XYLB: variants seen among roughly 807,000 people sequenced by gnomAD.
The protein encoded by XYLB is xylulokinase, also known as xylulose kinase.
In XYLB, 62 loss-of-function variants were observed where a neutral mutation model predicts 78.7. That is an observed-to-expected ratio of 0.79 (90% confidence interval 0.64 to 0.97). XYLB has a LOEUF of 0.97. Ranked by LOEUF, XYLB falls within the 50% of genes least tolerant of loss-of-function variation. The pLI, the probability that XYLB is intolerant of heterozygous loss-of-function variation, is 0.00. For synonymous variants in XYLB, 245 were observed against 247.4 expected, an observed-to-expected ratio of 0.99 and a Z score of 0.09; for missense variants, 687 against 676.8, an observed-to-expected ratio of 1.02 and a Z score of -0.17.
intron 15 of XYLB, among the ~76,000 whole-genome samples, chr3:38,392,539 C>T (rs1414658616): frequency 6.6e-6 from 1 of 152,188 alleles, no homozygotes; most frequent in Non-Finnish European, 1.5e-5. Context: ...TCAGGTGATA[C>T]ACCCGTCTCG....
intron 18 of XYLB, 136 bp downstream of exon 18, chr3:38,401,121 C>A (rs1275092130): frequency 1.2e-5 from 9 of 760,926 alleles, no homozygotes; most frequent in Non-Finnish European, 1.9e-5. Flanking sequence ...TTGAAATTAT[C>A]AAGAAAATGG....
rs540288416 is a variant in XYLB, at chr3:38,379,857, A to G, written c.1291+515A>G. Among the ~76,000 whole-genome samples the G allele has an allele frequency of 1.1e-4, 17 of 152,332 alleles. No homozygotes were observed. In the East Asian group the frequency reaches 3.3e-3, roughly 29 times the overall value. Reference sequence around the variant, plus strand: ...TTCATTTTCTGTTGCCTATAACAGAATACCTGTTCCTGGGTAATTTATAAG... The same window carrying G: ...TTCATTTTCTGTTGCCTATAACAGAGTACCTGTTCCTGGGTAATTTATAAG... On this transcript the variant is annotated intron_variant, in intron 15 of 18. Transcript: ENST00000207870.
At chr3:38,347,278 G>T (rs1705118875) in intron 1 of XYLB, among the ~76,000 whole-genome samples, 1 of 152,252 alleles carries the variant, frequency 6.6e-6, no homozygotes, top group South Asian at 2.1e-4. Context: ...ACGGGGATCC[G>T]AAGGAAGTCA....
rs1392023972 is a variant in XYLB, at chr3:38,375,015, C to A, written c.889-129C>A. The A allele has an allele frequency of 6.9e-6, 5 of 719,538 alleles. No individual in the cohort carries two copies. In the African/African-American group the frequency reaches 8.9e-5, roughly 13 times the overall value. 44.6% of individuals were successfully genotyped at this position (719,538 alleles called of 1,614,324 possible). A position where few individuals can be genotyped will look rare whatever the true frequency, so the allele number is the denominator to read the frequency against. ...TCAGAAGTGGCTCTTAGAAAGTGGC[C>A]TTGCATCTGAGGTCTGCAGCATGAG... On this transcript the variant is annotated intron_variant, in intron 11 of 18. Coordinates refer to ENST00000207870, the MANE Select transcript of XYLB (RefSeq NM_005108.4).
chr3:38,371,818 T>G (rs1706580632), intron 9 of XYLB, among the ~76,000 whole-genome samples: 1 of 152,166 alleles, frequency 6.6e-6, no homozygotes, highest in Non-Finnish European at 1.5e-5. Flanking sequence ...GGAACAGCCA[T>G]GTGGCCCTGT....
At chr3:38,430,831 T>C in the XYLB span, among the ~76,000 whole-genome samples, 1 of 152,200 alleles carries the variant, frequency 6.6e-6, no homozygotes, top group East Asian at 1.9e-4. Context: ...CCATTTCTTG[T>C]TTTTCTCAGG....
Position 38,413,095 on chromosome 3 carries a change from C to G in XYLB, c.*82C>G. 7.2e-7 allele frequency: 1 copy of G among 1,389,444 alleles called. No individual in the cohort carries two copies. The highest frequency in any genetic ancestry group is 9.8e-7 in the Non-Finnish European group (1 of 1,024,312). 86.1% of individuals were successfully genotyped at this position (1,389,444 alleles called of 1,614,324 possible). On this transcript the variant is annotated 3_prime_UTR_variant, in exon 19 of 19. Transcript: ENST00000207870. Reference sequence around the variant, plus strand: ...GGCCCCAGACAGGAGGGATCCACTTCTCTGTTCTGAACAGCTCTTCCTGCC... The same window carrying G: ...GGCCCCAGACAGGAGGGATCCACTTGTCTGTTCTGAACAGCTCTTCCTGCC...
At chr3:38,442,728 T>TTG in the XYLB span, among the ~76,000 whole-genome samples, 2 of 149,912 alleles carry the variant, frequency 1.3e-5, no homozygotes, top group African/African-American at 4.9e-5. Context: ...GCATTTTTTT[T>TTG]TTTTTTTTTT....
chr3:38,399,522 C>T (rs1337735814), intron 17 of XYLB, among the ~76,000 whole-genome samples: 1 of 152,166 alleles, frequency 6.6e-6, no homozygotes, highest in African/African-American at 2.4e-5. Context: ...GTTTCATCCT[C>T]CCAAATACTG....
At chr3:38,437,783 A>C in the XYLB span, among the ~76,000 whole-genome samples, 1 of 151,992 alleles carries the variant, frequency 6.6e-6, no homozygotes, top group Non-Finnish European at 1.5e-5. Flanking sequence ...GTATAAAAAT[A>C]AAAATAGGCC....
rs1174755782 is a variant in XYLB at position 38,355,921 on chromosome 3, A to G, written c.141-4418A>G. 3 of 624,120 alleles carry G rather than the reference A, an allele frequency of 4.8e-6. No individual in the cohort carries two copies. The African/African-American group carries it at 5.5e-5, about 12-fold the overall frequency. The allele number at this position is 624,120 out of a possible 1,614,324, so 38.7% of individuals were successfully genotyped here. A position where few individuals can be genotyped will look rare whatever the true frequency, so the allele number is the denominator to read the frequency against. ...AGCCATAGAAATGTGTTTTTCCTTA[A>G]CTAATATAATTTTTTCCCTCATATC... On this transcript the variant is annotated intron_variant, in intron 2 of 18. Transcript: ENST00000207870.
chr3:38,434,046 G>A, the XYLB span, among the ~76,000 whole-genome samples: 1 of 152,236 alleles, frequency 6.6e-6, no homozygotes, highest in South Asian at 2.1e-4. Flanking sequence ...CAGGGCAGCA[G>A]GAGAGAGCCT....
At chr3:38,415,394 G>C (rs532432487), downstream of XYLB, among the ~76,000 whole-genome samples, 10 of 152,308 alleles carry the variant, frequency 6.6e-5, no homozygotes, top group South Asian at 2.1e-3. Flanking sequence ...CAAAAGGACT[G>C]GACATGACCA....
exon 18 of XYLB, among the ~76,000 whole-genome samples, chr3:38,420,170 C>T (rs1205049551): frequency 6.6e-6 from 1 of 152,194 alleles, no homozygotes; most frequent in Non-Finnish European, 1.5e-5. Flanking sequence ...ATTAAATTCA[C>T]TTACTAGTTA....
At chr3:38,404,201 C>T (rs1018060731) in intron 18 of XYLB, among the ~76,000 whole-genome samples, 2 of 152,162 alleles carry the variant, frequency 1.3e-5, no homozygotes, top group African/African-American at 4.8e-5. Flanking sequence ...ACCTTAGGCC[C>T]CTCGCCTGTG....
At chr3:38,363,730 C>G (rs545596489) in intron 4 of XYLB, among the ~76,000 whole-genome samples, 1 of 152,298 alleles carries the variant, frequency 6.6e-6, no homozygotes, top group African/African-American at 2.4e-5. Flanking sequence ...AAAGCTTGGG[C>G]TTCTGTTATT....
downstream of XYLB, among the ~76,000 whole-genome samples, chr3:38,423,044 C>T (rs184504457): frequency 7.0e-3 from 1,064 of 152,130 alleles, 8 homozygotes; most frequent in African/African-American, 0.025. Context: ...CTAACGTTTC[C>T]CCCCTGGAAT....
rs370806440 is a variant in XYLB at position 38,400,916 on chromosome 3, C to G, written c.1464C>G (p.Pro488=). The G allele has an allele frequency of 4.3e-6, 7 of 1,614,008 alleles. No homozygotes were observed. The African/African-American group carries it at 5.3e-5, about 12-fold the overall frequency. ...FHGLAGGTDV[P]FSEVVKLAPN... ...GTCTTGCAGGTGGAACAGATGTGCC[C>G]TTTTCAGAGGTTGTGAAGTTAGCTC... is the stretch of plus-strand genomic sequence containing the variant. The change falls in exon 18 of 19, where the codon CCC becomes CCG. Residue 488 remains proline, a synonymous_variant. Coordinates refer to ENST00000207870, the MANE Select transcript of XYLB (RefSeq NM_005108.4).
At chr3:38,380,514 G>A (rs1707096718) in intron 15 of XYLB, among the ~76,000 whole-genome samples, 2 of 152,082 alleles carry the variant, frequency 1.3e-5, no homozygotes, top group South Asian at 4.2e-4. Flanking sequence ...GCCTTCCTAT[G>A]ATACTCTATG....
Sources: gnomAD v4.1 joint callset for allele counts (sites outside exome capture counted in the v4.1 genomes callset) on GRCh38, gnomAD v4.1.1 for gene constraint, MANE v1.5 for transcripts, NCBI Gene and HGNC (gene_info 2026-07-23, HGNC 2026-07-21) for gene names.